The following BOLL variants were observed in gnomAD, a reference collection of about 807,000 sequenced individuals.
The protein encoded by BOLL is protein boule-like.
BOLL carries 23 observed loss-of-function variants against 44.4 expected under a neutral mutation model. That is an observed-to-expected ratio of 0.52 (90% CI 0.37 to 0.73). BOLL has a LOEUF of 0.73. Ranked by LOEUF, BOLL falls within the 30% of genes least tolerant of loss-of-function variation. BOLL has a pLI of 0.00. For missense variants in BOLL, 287 were observed against 338.3 expected (o/e 0.85, Z 1.19); for synonymous variants, 97 against 110.8 (o/e 0.88, Z 0.78).
At chr2:197,731,147 A>G (rs1213527960) in intron 10 of BOLL, among the ~76,000 whole-genome samples, 3 of 152,174 alleles carry the variant, frequency 2.0e-5, no homozygotes, top group Non-Finnish European at 2.9e-5. Flanking sequence ...AAACAAAAAA[A>G]GGCAGGGGTT....
chr2:197,763,108 T>G (rs1466062868), intron 7 of BOLL, among the ~76,000 whole-genome samples: 5 of 152,158 alleles, frequency 3.3e-5, no homozygotes, highest in Non-Finnish European at 7.3e-5. Context: ...GCAAATAAAT[T>G]AGGAAACCTA....
At chr2:197,752,300 G>A (rs1688298617) in intron 9 of BOLL, among the ~76,000 whole-genome samples, 1 of 152,060 alleles carries the variant, frequency 6.6e-6, no homozygotes, top group Admixed American at 6.6e-5. Context: ...TTCTGGCCAG[G>A]GCAATCAGGC....
At chr2:197,732,055 ACCGC>A (rs1377321437) in intron 10 of BOLL, among the ~76,000 whole-genome samples, 4 of 151,100 alleles carry the variant, frequency 2.6e-5, no homozygotes, top group Non-Finnish European at 1.5e-5. Flanking sequence ...AAATTGATAG[ACCGC>A]TAGCAAGACT....
At chr2:197,735,574 A>T (rs1687448020) in intron 10 of BOLL, among the ~76,000 whole-genome samples, 1 of 152,170 alleles carries the variant, frequency 6.6e-6, no homozygotes, top group Non-Finnish European at 1.5e-5. Flanking sequence ...AGACGACTGT[A>T]CTGATGTTCA....
chr2:197,783,069 T>G (rs1276582564), intron 1 of BOLL, among the ~76,000 whole-genome samples: 2 of 152,118 alleles, frequency 1.3e-5, no homozygotes, highest in Admixed American at 6.5e-5. Flanking sequence ...TGGTGAATTA[T>G]TTTCCATCTG....
chr2:197,762,528 T>TA (rs1038510991), intron 7 of BOLL, among the ~76,000 whole-genome samples: 5 of 151,606 alleles, frequency 3.3e-5, no homozygotes, highest in East Asian at 1.9e-4. Flanking sequence ...CTCAAAAAAT[T>TA]AAAAAAAACT....
intron 7 of BOLL, among the ~76,000 whole-genome samples, chr2:197,765,568 C>T (rs1688953908): frequency 6.6e-6 from 1 of 151,064 alleles, no homozygotes; most frequent in Non-Finnish European, 1.5e-5. Flanking sequence ...TGTATCAAAA[C>T]ATCACTACAT....
chr2:197,742,749 G>A (rs1399682345), intron 10 of BOLL, among the ~76,000 whole-genome samples: 3 of 151,772 alleles, frequency 2.0e-5, no homozygotes, highest in Admixed American at 6.6e-5. Flanking sequence ...CACCAACATG[G>A]CACATGTATA....
intron 10 of BOLL, among the ~76,000 whole-genome samples, chr2:197,737,071 C>A (rs960126902): frequency 6.6e-6 from 1 of 152,132 alleles, no homozygotes; most frequent in African/African-American, 2.4e-5. Context: ...CTTACACTAG[C>A]CAGCAACCAT....
intron 7 of BOLL, among the ~76,000 whole-genome samples, chr2:197,758,324 A>G (rs1688607914): frequency 1.3e-5 from 2 of 152,220 alleles, no homozygotes; most frequent in Admixed American, 1.3e-4. Context: ...TTATTTGAGA[A>G]CGAAGTACTG....
intron 9 of BOLL, among the ~76,000 whole-genome samples, chr2:197,743,745 C>G (rs1031723532): frequency 1.3e-5 from 2 of 151,910 alleles, no homozygotes; most frequent in African/African-American, 4.8e-5. Context: ...TTTATTTAAA[C>G]TAATACATAT....
In BOLL at chr2:197,727,759, A is replaced by C. The variant is rs1287101835; in HGVS notation, c.*796T>G. The C allele has an allele frequency of 6.6e-6, 1 of 152,310 alleles. No individual in the cohort carries two copies. The highest frequency in any genetic ancestry group is 1.5e-5 in the Non-Finnish European group (1 of 68,014). 9.4% of individuals were successfully genotyped at this position (152,310 alleles called of 1,614,324 possible). On this transcript the variant is annotated 3_prime_UTR_variant, in exon 11 of 11. Transcript: ENST00000392296. ...CATGTCAGAGATGAACCCTTTTATC[A>C]AAATTCCAAAGGTGGATCCATATTT...
chr2:197,760,117 C>T (rs1688686581), intron 7 of BOLL, among the ~76,000 whole-genome samples: 1 of 152,036 alleles, frequency 6.6e-6, no homozygotes, highest in South Asian at 2.1e-4. Flanking sequence ...TGGGCATGAT[C>T]CCAGGCCGAC....
chr2:197,778,133 A>G (rs1436789076), intron 3 of BOLL, among the ~76,000 whole-genome samples: 1 of 151,932 alleles, frequency 6.6e-6, no homozygotes, highest in East Asian at 1.9e-4. Context: ...ACTTCACCTT[A>G]ATATTGTTTG....
intron 9 of BOLL, among the ~76,000 whole-genome samples, chr2:197,747,835 A>G (rs1448809041): frequency 2.0e-5 from 3 of 152,200 alleles, no homozygotes; most frequent in African/African-American, 7.2e-5. Context: ...CCAATGGAAC[A>G]GGATAGAGAA....
At chr2:197,750,650 G>T (rs758136210) in intron 9 of BOLL, among the ~76,000 whole-genome samples, 50 of 152,124 alleles carry the variant, frequency 3.3e-4, no homozygotes, top group Non-Finnish European at 6.3e-4. Flanking sequence ...CACAAAGCAG[G>T]TTCTTAGAAA....
chr2:197,763,819 G>A (rs1198956135), intron 7 of BOLL, among the ~76,000 whole-genome samples: 2 of 152,046 alleles, frequency 1.3e-5, no homozygotes, highest in South Asian at 4.1e-4. Context: ...AAATTTACAA[G>A]GAACTGAGAC....
At position 197,781,843 on chromosome 2, in the gene BOLL, G is replaced by T; in HGVS notation, c.8C>A (p.Thr3Lys). 6.2e-7 allele frequency: 1 copy of T among 1,601,528 alleles called. No homozygotes were observed. Among genetic ancestry groups the T allele is most frequent in the Non-Finnish European group, 8.5e-7 (1 of 1,171,626 alleles). MQ[T>K]DSLSPSPNPV... Reference sequence around the variant, plus strand: ...ATTAGGGGATGGAGATAATGAATCTGTTTGCATCTGGTTTGATGTTTGCTG... The same window carrying T: ...ATTAGGGGATGGAGATAATGAATCTTTTTGCATCTGGTTTGATGTTTGCTG... The change falls in exon 2 of 11, where the codon ACA (threonine) becomes AAA (lysine). Residue 3 changes from threonine to lysine, a missense_variant. Transcript: ENST00000392296.
chr2:197,778,390 C>T (rs1438828556), intron 3 of BOLL, among the ~76,000 whole-genome samples: 2 of 151,882 alleles, frequency 1.3e-5, no homozygotes, highest in African/African-American at 4.8e-5. Context: ...TGTAAACTAT[C>T]TTTTTCCTTT....
Sources: allele counts gnomAD v4.1 joint callset (sites outside exome capture counted in the v4.1 genomes callset), GRCh38; gene constraint gnomAD v4.1.1; transcripts MANE v1.5; gene names NCBI Gene and HGNC (gene_info 2026-07-23, HGNC 2026-07-21).